ANKRD26: variants seen among roughly 807,000 people sequenced by gnomAD.
ANKRD26 encodes ankyrin repeat domain-containing protein 26.
ANKRD26 carries 141 observed loss-of-function variants against 208.7 expected under a neutral mutation model. The ratio of observed to expected loss-of-function variants is 0.68; its 90% CI spans 0.59 to 0.78. The LOEUF is 0.78. Among genes scored for constraint, ANKRD26 ranks in the 30% least tolerant of loss-of-function variants. ANKRD26 has a pLI of 0.00. For synonymous variants in ANKRD26, 636 were observed against 660.4 expected, an observed-to-expected ratio of 0.96 and a Z score of 0.57; for missense variants, 1,889 against 1,938.7, an observed-to-expected ratio of 0.97 and a Z score of 0.48.
chr10:26,950,142 T>A, the ANKRD26 span, among the ~76,000 whole-genome samples: 9 of 152,220 alleles, frequency 5.9e-5, no homozygotes, highest in African/African-American at 2.2e-4. Context: ...CATGTGTGGA[T>A]GCAGGGACTT....
Position 27,005,822 on chromosome 10 carries a change from T to C in ANKRD26, c.5000-99A>G, listed in dbSNP as rs1589196315. The C allele has an allele frequency of 2.8e-6, 4 of 1,448,298 alleles. No homozygotes were observed. In the East Asian group the frequency reaches 9.4e-5, roughly 34 times the overall value. The allele number at this position is 1,448,298 out of a possible 1,614,324, so 89.7% of individuals were successfully genotyped here. The stretch of plus-strand genomic sequence containing the variant: ...GAGTTGAGAATTTTGTCAGTATTAA[T>C]AAGAAAGAAAAATATGTATGCACAA... On this transcript the variant is annotated intron_variant, in intron 33 of 33. Transcript: ENST00000376087.
chr10:27,017,818 A>C (rs1564358924), intron 29 of ANKRD26, 26 bp from the exon 30 acceptor site: 11 of 1,600,148 alleles, frequency 6.9e-6, no homozygotes, highest in Non-Finnish European at 8.5e-6. Flanking sequence ...AATATAGTGT[A>C]ATAATGAAGG....
chr10:27,042,921 C>T (rs1564382969), intron 20 of ANKRD26, among the ~76,000 whole-genome samples: 1 of 145,974 alleles, frequency 6.9e-6, no homozygotes, highest in Non-Finnish European at 1.5e-5. Flanking sequence ...ACAGTGCACT[C>T]CAGCCTGATT....
chr10:27,000,834 T>C (rs1205277171), downstream of ANKRD26, among the ~76,000 whole-genome samples: 2 of 151,890 alleles, frequency 1.3e-5, no homozygotes, highest in Admixed American at 1.3e-4. Flanking sequence ...TGAAACCTCG[T>C]TTCTACTAAA....
downstream of ANKRD26, among the ~76,000 whole-genome samples, chr10:26,991,253 G>A (rs1037048660): frequency 6.6e-6 from 1 of 152,080 alleles, no homozygotes; most frequent in Non-Finnish European, 1.5e-5. Flanking sequence ...CCTTCATTCA[G>A]GAATCCCTTC....
intron 1 of ANKRD26, among the ~76,000 whole-genome samples, chr10:27,097,445 G>A (rs2056504562): frequency 6.6e-6 from 1 of 152,110 alleles, no homozygotes. Context: ...CTGGGCAACA[G>A]AGGGAGACTC....
intron 3 of ANKRD26, among the ~76,000 whole-genome samples, chr10:26,985,032 A>G (rs938174605): frequency 6.6e-6 from 1 of 152,180 alleles, no homozygotes; most frequent in African/African-American, 2.4e-5. Flanking sequence ...TTTTTCACAT[A>G]GGATTTTTCC....
At chr10:26,977,940 C>A (rs1343908577) in intron 5 of ANKRD26, among the ~76,000 whole-genome samples, 1 of 152,000 alleles carries the variant, frequency 6.6e-6, no homozygotes, top group Non-Finnish European at 1.5e-5. Context: ...AAACAAACAA[C>A]AACAACAAAA....
chr10:27,041,131 G>A (rs183374858), intron 20 of ANKRD26, among the ~76,000 whole-genome samples: 16 of 152,098 alleles, frequency 1.1e-4, no homozygotes, highest in East Asian at 9.7e-4. Flanking sequence ...GTCATGATGC[G>A]GGGAGGAAAA....
At chr10:26,973,127 T>C (rs1482703984), downstream of ANKRD26, among the ~76,000 whole-genome samples, 1 of 152,218 alleles carries the variant, frequency 6.6e-6, no homozygotes, top group Non-Finnish European at 1.5e-5. Context: ...GTGTTCATTA[T>C]GTTGTTCAGA....
downstream of ANKRD26, among the ~76,000 whole-genome samples, chr10:26,970,256 C>T (rs1304394688): frequency 1.3e-5 from 2 of 152,072 alleles, no homozygotes; most frequent in East Asian, 3.9e-4. Flanking sequence ...TTATAATCTT[C>T]AGTATTGGAG....
intron 15 of ANKRD26, among the ~76,000 whole-genome samples, chr10:27,057,697 G>C (rs1388169521): frequency 1.3e-5 from 2 of 152,194 alleles, no homozygotes; most frequent in Non-Finnish European, 1.5e-5. Context: ...CCAGCACTTT[G>C]GGAGGCCAAG....
chr10:27,031,697 TATAA>T (rs1197620892), intron 25 of ANKRD26, among the ~76,000 whole-genome samples: 7 of 152,258 alleles, frequency 4.6e-5, no homozygotes, highest in Admixed American at 1.3e-4. Context: ...CTGTATGGTA[TATAA>T]ATTATATCTC....
In ANKRD26 at chr10:27,094,227, T is replaced by C. The variant is rs74946372; in HGVS notation, c.243-428A>G. ...GTGAGTTAATTAAACCTCTTTCCTT[T>C]ATAAATTACCCATATAATAAAGGGT... On this transcript the variant is annotated intron_variant, in intron 1 of 33. Transcript: ENST00000376087. Among the ~76,000 whole-genome samples the C allele has an allele frequency of 1.8e-3, 270 of 152,326 alleles. 9 individuals are homozygous for C. The East Asian group carries it at 0.043, about 24-fold the overall frequency.
At chr10:27,054,576 C>CA (rs2054778956) in intron 15 of ANKRD26, among the ~76,000 whole-genome samples, 3 of 151,568 alleles carry the variant, frequency 2.0e-5, no homozygotes, top group African/African-American at 7.3e-5. Context: ...ATCACACACA[C>CA]AAAAAAAGAA....
At chr10:26,978,461 A>C (rs905306862) in intron 5 of ANKRD26, among the ~76,000 whole-genome samples, 1 of 152,152 alleles carries the variant, frequency 6.6e-6, no homozygotes, top group Non-Finnish European at 1.5e-5. Flanking sequence ...ATCTCAAAAA[A>C]TAATAATAAA....
chr10:27,055,439 A>C (rs146698340), intron 15 of ANKRD26, among the ~76,000 whole-genome samples: 72 of 152,310 alleles, frequency 4.7e-4, no homozygotes, highest in Middle Eastern at 3.4e-3. Context: ...AAAATACAAC[A>C]TTAATTCTAC....
intron 9 of ANKRD26, among the ~76,000 whole-genome samples, chr10:27,067,653 C>T (rs1438848301): frequency 6.6e-6 from 1 of 152,092 alleles, no homozygotes; most frequent in East Asian, 1.9e-4. Context: ...AAGCAGATCC[C>T]ATGAGAACTC....
intron 20 of ANKRD26, among the ~76,000 whole-genome samples, chr10:27,041,320 T>C (rs1023118368): frequency 2.0e-5 from 3 of 151,894 alleles, no homozygotes; most frequent in African/African-American, 7.3e-5. Flanking sequence ...GCATGTATGC[T>C]AGGAAACTAT....
Sources: allele counts gnomAD v4.1 joint callset (sites outside exome capture counted in the v4.1 genomes callset), GRCh38; gene constraint gnomAD v4.1.1; transcripts MANE v1.5; gene names NCBI Gene and HGNC (gene_info 2026-07-23, HGNC 2026-07-21).